Variants in CYP2C19 observed in about 807,000 individuals in gnomAD.
CYP2C19 encodes cytochrome P450 family 2 subfamily C member 19.
CYP2C19 carries 59 observed loss-of-function variants against 40.9 expected under a neutral mutation model. The ratio of observed to expected loss-of-function variants is 1.44; its 90% CI spans 1.17 to 1.79. The LOEUF is 1.79. CYP2C19 is among the 40% of genes most tolerant of loss of function. The probability of loss-of-function intolerance (pLI) is 0.00; values close to 1 mark genes in which losing one functional copy is unlikely to be tolerated. For missense variants in CYP2C19, 754 were observed against 596.9 expected, an observed-to-expected ratio of 1.26 and a Z score of -2.74; for synonymous variants, 253 against 208.7, an observed-to-expected ratio of 1.21 and a Z score of -1.83.
Position 94,775,174 on chromosome 10 carries a change from T to C in CYP2C19, c.285T>C (p.Ser95=). 6.2e-7 allele frequency: 1 copy of C among 1,614,118 alleles called. No homozygotes were observed. Among genetic ancestry groups the C allele is most frequent in the South Asian group, 1.1e-5 (1 of 91,088 alleles). ...TGATTGATCTTGGAGAGGAGTTTTC[T>C]GGAAGAGGCCATTTCCCACTGGCTG... ...EALIDLGEEF[S]GRGHFPLAER... Residue 95 remains serine (S), a synonymous_variant, in exon 2 of 9, where the codon TCT becomes TCC. Coordinates refer to ENST00000371321, the MANE Select transcript of CYP2C19 (RefSeq NM_000769.4).
intron 1 of CYP2C19, 29 bp from the exon 2 acceptor site, chr10:94,775,029 T>C: frequency 1.9e-6 from 3 of 1,610,140 alleles, no homozygotes; most frequent in Non-Finnish European, 2.5e-6. Context: ...AGTGACTTCA[T>C]TTGCTGTTAA....
intron 6 of CYP2C19, among the ~76,000 whole-genome samples, chr10:94,830,331 A>G (rs1849313359): frequency 6.6e-6 from 1 of 152,232 alleles, no homozygotes; most frequent in Admixed American, 6.5e-5. Flanking sequence ...GGACCCTCCG[A>G]GCCAGGTGCG....
At chr10:94,806,114 G>A (rs1848832212) in intron 5 of CYP2C19, among the ~76,000 whole-genome samples, 1 of 150,822 alleles carries the variant, frequency 6.6e-6, no homozygotes, top group South Asian at 2.1e-4. Flanking sequence ...ATGAAATCGA[G>A]TATGCTGGGT....
intron 6 of CYP2C19, among the ~76,000 whole-genome samples, chr10:94,842,431 G>T (rs1161132703): frequency 1.5e-5 from 2 of 132,020 alleles, no homozygotes; most frequent in African/African-American, 2.9e-5. Context: ...AGATTAATAG[G>T]TCTTGTTTCT....
chr10:94,798,888 A>G (rs1848726636), intron 5 of CYP2C19, among the ~76,000 whole-genome samples: 2 of 96,528 alleles, frequency 2.1e-5, no homozygotes, highest in Non-Finnish European at 4.0e-5. Context: ...TTTTGAGCCT[A>G]TTTGTGTCTC....
intron 1 of CYP2C19, among the ~76,000 whole-genome samples, chr10:94,764,688 G>A (rs533597089): frequency 1.3e-5 from 2 of 152,254 alleles, no homozygotes; most frequent in African/African-American, 2.4e-5. Flanking sequence ...CAGTCCAGGT[G>A]TCCTTGGAAG....
At chr10:94,837,212 C>T (rs190106071) in intron 6 of CYP2C19, among the ~76,000 whole-genome samples, 196 of 152,234 alleles carry the variant, frequency 1.3e-3, no homozygotes, top group Admixed American at 2.0e-3. Flanking sequence ...TTCTGTACTC[C>T]TAAAATTGGA....
intron 4 of CYP2C19, 99 bp from the exon 5 acceptor site, chr10:94,781,722 A>G: frequency 2.1e-6 from 1 of 486,542 alleles, no homozygotes; most frequent in African/African-American, 2.0e-5. Flanking sequence ...AATATATTTT[A>G]TTTATATTTA....
chr10:94,776,752 G>A (rs1848412681), intron 3 of CYP2C19, among the ~76,000 whole-genome samples: 1 of 152,082 alleles, frequency 6.6e-6, no homozygotes, highest in South Asian at 2.1e-4. Context: ...AGACAAAGAT[G>A]CCCTCTCTCA....
rs547753080 is a variant in CYP2C19 at position 94,777,473 on chromosome 10, AAC to A, written c.481+1936_481+1937del. Among the ~76,000 whole-genome samples, 468 of 152,272 alleles carry A rather than the reference AAC, an allele frequency of 3.1e-3. 2 individuals carry two copies. The highest frequency in any genetic ancestry group is 0.011 in the African/African-American group (445 of 41,572). Reference sequence around the variant, plus strand: ...ACAGATATATAGAACAATGGAACAGAACAGAGACCTCAGAAATAATGCCACAC... The same window carrying A: ...ACAGATATATAGAACAATGGAACAGAAGAGACCTCAGAAATAATGCCACAC... On this transcript the variant is annotated intron_variant, in intron 3 of 8. Coordinates refer to ENST00000371321, the MANE Select transcript of CYP2C19 (RefSeq NM_000769.4).
At chr10:94,825,943 G>A (rs1345013971) in intron 6 of CYP2C19, among the ~76,000 whole-genome samples, 4 of 151,494 alleles carry the variant, frequency 2.6e-5, no homozygotes, top group African/African-American at 7.2e-5. Context: ...GTTTTTCTCA[G>A]GTTTGTCAAA....
At chr10:94,794,276 G>T (rs1348236191) in intron 5 of CYP2C19, among the ~76,000 whole-genome samples, 1 of 152,114 alleles carries the variant, frequency 6.6e-6, no homozygotes, top group Non-Finnish European at 1.5e-5. Context: ...TCCTTGGCTT[G>T]GAAAGGGAAT....
At chr10:94,829,332 G>A (rs1849289258) in intron 6 of CYP2C19, among the ~76,000 whole-genome samples, 1 of 152,064 alleles carries the variant, frequency 6.6e-6, no homozygotes, top group African/African-American at 2.4e-5. Context: ...TTTTCACATA[G>A]TCCCATATTT....
At chr10:94,796,154 C>G (rs1445821677) in intron 5 of CYP2C19, among the ~76,000 whole-genome samples, 1 of 152,088 alleles carries the variant, frequency 6.6e-6, no homozygotes, top group Non-Finnish European at 1.5e-5. Flanking sequence ...AGTCTTTAAT[C>G]CATCTTGAAT....
chr10:94,774,934 A>T, intron 1 of CYP2C19, 124 bp from the exon 2 acceptor site: 2 of 1,026,956 alleles, frequency 1.9e-6, no homozygotes, highest in South Asian at 3.4e-5. Context: ...AAAATTCAGA[A>T]ATATTTGAGC....
intron 5 of CYP2C19, among the ~76,000 whole-genome samples, chr10:94,813,357 T>G (rs974444572): frequency 3.3e-5 from 5 of 151,850 alleles, no homozygotes; most frequent in African/African-American, 1.2e-4. Context: ...CAGGAACATT[T>G]AAGTCTGCCG....
Position 94,853,497 on chromosome 10 carries a change from A to C in CYP2C19, c.*583A>C, listed in dbSNP as rs923561666. Among the ~76,000 whole-genome samples, 6 of 151,210 alleles carry C rather than the reference A, an allele frequency of 4.0e-5. No homozygotes were observed. Among genetic ancestry groups the C allele is most frequent in the African/African-American group, 1.5e-4 (6 of 41,114 alleles). On this transcript the variant is annotated 3_prime_UTR_variant, in exon 9 of 9. Transcript: ENST00000371321. ...CTCCAACCTCTAGGGAAATATTCAG[A>C]GGATCAGGTATTGGGAGGAATGGAT...
intron 3 of CYP2C19, among the ~76,000 whole-genome samples, chr10:94,777,849 G>A (rs1848429346): frequency 6.6e-6 from 1 of 152,080 alleles, no homozygotes; most frequent in African/African-American, 2.4e-5. Context: ...TCATAAGAGT[G>A]AACAGGCAAC....
chr10:94,811,911 C>T (rs2134260794), intron 5 of CYP2C19, among the ~76,000 whole-genome samples: 1 of 151,982 alleles, frequency 6.6e-6, no homozygotes, highest in South Asian at 2.1e-4. Context: ...TTAATCCTGC[C>T]ATTATGATGC....
Sources: allele counts gnomAD v4.1 joint callset (sites outside exome capture counted in the v4.1 genomes callset), GRCh38; gene constraint gnomAD v4.1.1; transcripts MANE v1.5; gene names NCBI Gene and HGNC (gene_info 2026-07-23, HGNC 2026-07-21).